Variants in RMDN1 observed in about 807,000 individuals in gnomAD.
RMDN1 encodes regulator of microtubule dynamics 1.
A neutral mutation model predicts 48.9 loss-of-function variants in RMDN1; 48 were observed. The observed-to-expected ratio is 0.98, with a 90% confidence interval of 0.78 to 1.25. The LOEUF (loss-of-function observed/expected upper bound fraction) is 1.25. Ranked by LOEUF, RMDN1 falls within the 50% of genes most tolerant of loss-of-function variation. The probability of loss-of-function intolerance (pLI) is 0.00; values close to 1 mark genes in which losing one functional copy is unlikely to be tolerated. For synonymous variants in RMDN1, 148 were observed against 132.6 expected (o/e 1.12, Z -0.80); for missense variants, 418 against 373.4 (o/e 1.12, Z -0.98).
intron 2 of RMDN1, among the ~76,000 whole-genome samples, chr8:86,497,125 A>C (rs1817498320): frequency 6.6e-6 from 1 of 152,220 alleles, no homozygotes; most frequent in South Asian, 2.1e-4. Flanking sequence ...AGAATCTGTG[A>C]GACACAGCTA....
intron 5 of RMDN1, chr8:86,482,967 C>T (rs1814805666): frequency 1.4e-6 from 1 of 734,150 alleles, no homozygotes; most frequent in African/African-American, 1.7e-5. Context: ...CGGACTGTGG[C>T]AGCCGCACTC....
chr8:86,481,537 G>A (rs1814432710), intron 5 of RMDN1, among the ~76,000 whole-genome samples: 1 of 150,620 alleles, frequency 6.6e-6, no homozygotes, highest in Admixed American at 6.6e-5. Flanking sequence ...ATGCCTGGGG[G>A]GATCAGGGTT....
At chr8:86,510,950 T>C (rs1001873694), upstream of RMDN1, among the ~76,000 whole-genome samples, 2 of 151,804 alleles carry the variant, frequency 1.3e-5, no homozygotes, top group African/African-American at 2.4e-5. Flanking sequence ...ACAGTGAGAC[T>C]CTGTCTCTAC....
At chr8:86,502,595 A>C (rs1026874760) in intron 2 of RMDN1, among the ~76,000 whole-genome samples, 2 of 152,178 alleles carry the variant, frequency 1.3e-5, no homozygotes, top group African/African-American at 4.8e-5. Context: ...AAGAAATTTG[A>C]TGGATTTTTC....
At chr8:86,507,630 G>T (rs558369678) in intron 1 of RMDN1, among the ~76,000 whole-genome samples, 6 of 152,190 alleles carry the variant, frequency 3.9e-5, no homozygotes, top group Non-Finnish European at 7.4e-5. Context: ...TGAGCCAAGG[G>T]GCCAGGCCTA....
At position 86,507,132 on chromosome 8, in the gene RMDN1, AAG is replaced by A. The variant is rs1333989262; in HGVS notation, c.130-22_130-21del. 1 of 1,470,986 alleles carries A rather than the reference AAG, an allele frequency of 6.8e-7. No individual in the cohort carries two copies. The highest frequency in any genetic ancestry group is 9.5e-7 in the Non-Finnish European group (1 of 1,053,250). The allele number at this position is 1,470,986 out of a possible 1,614,324, so 91.1% of individuals were successfully genotyped here. ...CATTACCTATGGAAACAATTATGTT[AAG>A]AGTTACAAACTTTGAAAATTTGAAG... On this transcript the variant is annotated intron_variant, in intron 1 of 9. Transcript: ENST00000406452.
At position 86,473,543 on chromosome 8, in the gene RMDN1, A is replaced by T. The variant is rs949242792; in HGVS notation, c.*765T>A. ...CAATTTGGGAGGCCAAGGCGGGCAG[A>T]TCACTTGAGGCCAGGAGTTTGAGAC... On this transcript the variant is annotated 3_prime_UTR_variant, in exon 10 of 10. Coordinates refer to ENST00000406452, the MANE Select transcript of RMDN1 (RefSeq NM_016033.3). 2 of 777,094 alleles carry T rather than the reference A, an allele frequency of 2.6e-6. No homozygotes were observed. The highest frequency in any genetic ancestry group is 3.1e-6 in the Non-Finnish European group (2 of 640,256). 48.1% of individuals were successfully genotyped at this position (777,094 alleles called of 1,614,324 possible).
chr8:86,478,595 G>A (rs1217302461), intron 7 of RMDN1, among the ~76,000 whole-genome samples: 1 of 152,130 alleles, frequency 6.6e-6, no homozygotes, highest in Non-Finnish European at 1.5e-5. Context: ...GCTAAAACAT[G>A]CTGGGTAACA....
chr8:86,477,191 G>T, intron 8 of RMDN1, 103 bp downstream of exon 8: 1 of 772,940 alleles, frequency 1.3e-6, no homozygotes, highest in Non-Finnish European at 2.0e-6. Context: ...ACAAAAATAA[G>T]TATAACAGAA....
rs1166494948 is a variant in RMDN1, at chr8:86,478,942, G to C, written c.710C>G (p.Pro237Arg). Residue 237 changes from proline (P) to arginine (R), a missense_variant, in exon 7 of 10, where the codon CCT (proline) becomes CGT (arginine). Physicochemically the swap from Pro to Arg is moderately radical, Grantham distance 103. Transcript: ENST00000406452. ...RIAKMLFATP[P>R]SSTYEKALGY... Reference sequence around the variant, plus strand: ...TACTACCTTCTCATAGGTGGAACTAGGAGGAGTTGCAAACAGCATTTTAGC... The same window carrying C: ...TACTACCTTCTCATAGGTGGAACTACGAGGAGTTGCAAACAGCATTTTAGC... 3 of 1,613,476 alleles carry C rather than the reference G, an allele frequency of 1.9e-6. No individual in the cohort carries two copies. The highest frequency in any genetic ancestry group is 2.5e-6 in the Non-Finnish European group (3 of 1,179,444).
downstream of RMDN1, chr8:86,470,262 G>C: frequency 7.8e-7 from 1 of 1,289,346 alleles, no homozygotes; most frequent in Non-Finnish European, 1.0e-6. Context: ...CAATCCAGCA[G>C]TCAGCTCTGG....
chr8:86,509,253 T>C (rs1182586260), upstream of RMDN1, among the ~76,000 whole-genome samples: 1 of 152,140 alleles, frequency 6.6e-6, no homozygotes, highest in East Asian at 1.9e-4. Context: ...GAAAGGATAC[T>C]GATGCCCTTG....
At chr8:86,507,515 T>G in intron 1 of RMDN1, among the ~76,000 whole-genome samples, 1 of 152,196 alleles carries the variant, frequency 6.6e-6, no homozygotes, top group Non-Finnish European at 1.5e-5. Context: ...ACTTTTAAAT[T>G]TTTTTGTAGA....
intron 5 of RMDN1, among the ~76,000 whole-genome samples, chr8:86,483,205 A>G (rs1167700772): frequency 6.6e-6 from 1 of 152,216 alleles, no homozygotes; most frequent in East Asian, 1.9e-4. Context: ...AATACTAAAT[A>G]TTGCCATTTA....
intron 1 of RMDN1, 50 bp from the exon 2 acceptor site, chr8:86,507,162 A>G (rs529507428): frequency 1.8e-6 from 2 of 1,132,582 alleles, no homozygotes; most frequent in South Asian, 2.6e-5. Flanking sequence ...ATTTGAAGGT[A>G]CTGCTACCCC....
Position 86,507,106 on chromosome 8 carries a change from C to G in RMDN1, c.136G>C (p.Gly46Arg), listed in dbSNP as rs757347318. Residue 46 changes from glycine to arginine, a missense_variant, in exon 2 of 10, where the codon GGA becomes CGA. Transcript: ENST00000406452. The part of the protein sequence containing the change: ...PCRFRGFEVM[G>R]NPGTFKRGLL... The stretch of plus-strand genomic sequence containing the variant: ...CCTCTTTTGAAAGTTCCTGGGTTTC[C>G]CATTACCTATGGAAACAATTATGTT... The G allele has an allele frequency of 3.1e-6, 5 of 1,588,950 alleles. No homozygotes were observed. The highest frequency in any genetic ancestry group is 4.3e-6 in the Non-Finnish European group (5 of 1,157,302).
At chr8:86,482,011 G>C in intron 5 of RMDN1, 1 of 821,096 alleles carries the variant, frequency 1.2e-6, no homozygotes, top group Non-Finnish European at 2.1e-6. Flanking sequence ...AGTCCTATAC[G>C]AAGTTGTTCT....
At chr8:86,490,669 C>T (rs1490278019) in intron 2 of RMDN1, among the ~76,000 whole-genome samples, 1 of 152,072 alleles carries the variant, frequency 6.6e-6, no homozygotes, top group Non-Finnish European at 1.5e-5. Context: ...AGTCACTGAG[C>T]TTGTCACAGC....
At chr8:86,490,180 T>G (rs1816261276) in intron 2 of RMDN1, among the ~76,000 whole-genome samples, 1 of 152,200 alleles carries the variant, frequency 6.6e-6, no homozygotes, top group South Asian at 2.1e-4. Context: ...AGGAGTAGTC[T>G]TTATTCTTTA....
Sources: gnomAD v4.1 joint callset for allele counts (sites outside exome capture counted in the v4.1 genomes callset) on GRCh38, gnomAD v4.1.1 for gene constraint, MANE v1.5 for transcripts, NCBI Gene and HGNC (gene_info 2026-07-23, HGNC 2026-07-21) for gene names.